Variants in GAREM1 observed in about 807,000 individuals in gnomAD.
The protein encoded by GAREM1 is GRB2 associated regulator of MAPK1 subtype 1.
A neutral mutation model predicts 71.3 loss-of-function variants in GAREM1; 26 were observed. That is an observed-to-expected ratio of 0.36 (90% CI 0.27 to 0.51). GAREM1 has a LOEUF of 0.51. Among genes scored for constraint, GAREM1 ranks in the 20% least tolerant of loss-of-function variants. The probability of loss-of-function intolerance (pLI) is 0.95; values close to 1 mark genes in which losing one functional copy is unlikely to be tolerated. For synonymous variants in GAREM1, 440 were observed against 433.2 expected, an observed-to-expected ratio of 1.02 and a Z score of -0.20; for missense variants, 1,026 against 1,103.1, an observed-to-expected ratio of 0.93 and a Z score of 0.99.
At chr18:32,392,278 C>T (rs1045723620) in intron 2 of GAREM1, among the ~76,000 whole-genome samples, 3 of 151,854 alleles carry the variant, frequency 2.0e-5, no homozygotes, top group Non-Finnish European at 4.4e-5. Flanking sequence ...TCCCAACCTC[C>T]TAGAACAGTA....
At chr18:32,367,409 A>G (rs4499310) in intron 2 of GAREM1, among the ~76,000 whole-genome samples, 13,662 of 152,226 alleles carry the variant, frequency 0.09, 988 homozygotes, top group African/African-American at 0.2. Flanking sequence ...TACTGAGTCT[A>G]AGACTCAGAC....
chr18:32,448,790 T>C (rs1024834320), intron 1 of GAREM1, among the ~76,000 whole-genome samples: 2 of 152,190 alleles, frequency 1.3e-5, no homozygotes, highest in Non-Finnish European at 2.9e-5. Flanking sequence ...CCCAAGTCTT[T>C]CTTGTTGGGG....
intron 1 of GAREM1, among the ~76,000 whole-genome samples, chr18:32,400,724 T>A (rs1241218466): frequency 6.6e-6 from 1 of 152,206 alleles, no homozygotes; most frequent in Non-Finnish European, 1.5e-5. Context: ...ACACTGTTGA[T>A]GGGACTGTAA....
intron 3 of GAREM1, among the ~76,000 whole-genome samples, chr18:32,309,844 A>G (rs969814193): frequency 3.3e-5 from 5 of 152,062 alleles, no homozygotes; most frequent in Admixed American, 6.6e-5. Flanking sequence ...GGTATTATTT[A>G]GTTTCATCAT....
chr18:32,369,328 A>G (rs2047955033), intron 2 of GAREM1, among the ~76,000 whole-genome samples: 1 of 152,238 alleles, frequency 6.6e-6, no homozygotes, highest in African/African-American at 2.4e-5. Flanking sequence ...AATTAGTCAG[A>G]GAGTATTTCT....
At chr18:32,459,323 C>T (rs977184065) in intron 1 of GAREM1, among the ~76,000 whole-genome samples, 5 of 151,472 alleles carry the variant, frequency 3.3e-5, no homozygotes, top group African/African-American at 7.3e-5. Context: ...TTGTATAAGC[C>T]GCTATTTTTT....
In GAREM1 at chr18:32,464,768, G is replaced by A. The variant is rs58072679; in HGVS notation, c.121+5540C>T. Reference sequence around the variant, plus strand: ...CTCTGAAGCCTCCCTCAACTGATCCGTATCTACTACAGCCATCTCACACAT... The same window carrying A: ...CTCTGAAGCCTCCCTCAACTGATCCATATCTACTACAGCCATCTCACACAT... On this transcript the variant is annotated intron_variant, in intron 1 of 5. Transcript: ENST00000269209. Among the ~76,000 whole-genome samples, 207 of 128,892 alleles carry A rather than the reference G, an allele frequency of 1.6e-3. 4 individuals carry two copies. Among genetic ancestry groups the A allele is most frequent in the African/African-American group, 6.0e-3 (196 of 32,534 alleles). The allele number at this position is 128,892 out of a possible 152,430, so 84.6% of individuals were successfully genotyped here.
intron 2 of GAREM1, among the ~76,000 whole-genome samples, chr18:32,374,718 T>C (rs2048016276): frequency 6.6e-6 from 1 of 152,196 alleles, no homozygotes; most frequent in Admixed American, 6.5e-5. Context: ...ATAAGACATA[T>C]AGTAAGTTAA....
chr18:32,469,252 A>T (rs1248111754), intron 1 of GAREM1, among the ~76,000 whole-genome samples: 1 of 152,170 alleles, frequency 6.6e-6, no homozygotes, highest in Non-Finnish European at 1.5e-5. Flanking sequence ...GGAAACAAGG[A>T]GTAACCCTAG....
intron 2 of GAREM1, among the ~76,000 whole-genome samples, chr18:32,391,799 G>A (rs2048202777): frequency 6.6e-6 from 1 of 152,110 alleles, no homozygotes; most frequent in African/African-American, 2.4e-5. Flanking sequence ...CAATTCTAGA[G>A]GACAAAGTTT....
intron 2 of GAREM1, among the ~76,000 whole-genome samples, chr18:32,376,739 G>A (rs2048033689): frequency 6.6e-6 from 1 of 152,228 alleles, no homozygotes; most frequent in African/African-American, 2.4e-5. Flanking sequence ...TTGGGAGGGT[G>A]AGGCAGAAGA....
At position 32,287,402 on chromosome 18, in the gene GAREM1, T is replaced by G; in HGVS notation, c.1195A>C (p.Ser399Arg). 1.2e-6 allele frequency: 2 copies of G among 1,614,208 alleles called. No homozygotes were observed. Among genetic ancestry groups the G allele is most frequent in the African/African-American group, 2.7e-5 (2 of 75,044 alleles). ...CVYGNNLHGN[S>R]EVNLHGCRDL... Reference sequence around the variant, plus strand: ...CTGCAACCATGAAGGTTCACCTCACTGTTGCCATGGAGATTGTTGCCATAC... The same window carrying G: ...CTGCAACCATGAAGGTTCACCTCACGGTTGCCATGGAGATTGTTGCCATAC... Residue 399 changes from serine to arginine, a missense_variant, in exon 4 of 6, where the codon AGT becomes CGT. Transcript: ENST00000269209. This position sits in a 1 kb window ranked among gnomAD's most constrained non-coding sequence, Gnocchi z 5.9.
chr18:32,351,701 CT>C (rs60133649), intron 2 of GAREM1, among the ~76,000 whole-genome samples: 14,909 of 144,498 alleles, frequency 0.1, 1,316 homozygotes, highest in African/African-American at 0.24. Flanking sequence ...TACCCTCTCT[CT>C]TTTTTTTTTT....
chr18:32,425,591 G>A (rs1158445241), intron 1 of GAREM1, among the ~76,000 whole-genome samples: 2 of 152,118 alleles, frequency 1.3e-5, no homozygotes, highest in Non-Finnish European at 2.9e-5. Context: ...AGAATAGTGC[G>A]AGATAAAAAT....
At chr18:32,406,154 A>G (rs1399655087) in intron 1 of GAREM1, among the ~76,000 whole-genome samples, 1 of 152,196 alleles carries the variant, frequency 6.6e-6, no homozygotes, top group African/African-American at 2.4e-5. Context: ...ACTGAGGGAT[A>G]TAATTAAACA....
intron 1 of GAREM1, among the ~76,000 whole-genome samples, chr18:32,446,052 A>G (rs1230167025): frequency 6.6e-6 from 1 of 152,168 alleles, no homozygotes; most frequent in Non-Finnish European, 1.5e-5. Context: ...TAATTCAGAT[A>G]ACAGATGGGG....
intron 1 of GAREM1, among the ~76,000 whole-genome samples, chr18:32,402,548 T>C (rs981518569): frequency 2.6e-5 from 4 of 152,126 alleles, no homozygotes; most frequent in Non-Finnish European, 5.9e-5. Context: ...GATCCCTCCT[T>C]GCTATTTTCT....
intron 3 of GAREM1, 38 bp from the exon 4 acceptor site, chr18:32,288,241 T>C (rs369515048): frequency 4.6e-5 from 69 of 1,506,698 alleles, no homozygotes; most frequent in Non-Finnish European, 6.0e-5. Context: ...TTCATTTCCT[T>C]TGATCTATTC....
chr18:32,294,306 G>A (rs912627546), intron 3 of GAREM1, among the ~76,000 whole-genome samples: 2 of 152,208 alleles, frequency 1.3e-5, no homozygotes, highest in Non-Finnish European at 2.9e-5. Context: ...ATCTGTATAT[G>A]TGAGTGGAGT....
Sources: gnomAD v4.1 joint callset for allele counts (sites outside exome capture counted in the v4.1 genomes callset) on GRCh38, gnomAD v4.1.1 for gene constraint, Gnocchi (gnomAD v3.1) non-coding constraint, MANE v1.5 for transcripts, NCBI Gene and HGNC (gene_info 2026-07-23, HGNC 2026-07-21) for gene names.